EPHA7: variants seen among roughly 807,000 people sequenced by gnomAD.
EPHA7 encodes the protein EPH receptor A7, also known as ephrin type-A receptor 7.
A neutral mutation model predicts 112.6 loss-of-function variants in EPHA7; 25 were observed. The observed-to-expected ratio is 0.22, with a 90% CI of 0.16 to 0.31. The LOEUF (loss-of-function observed/expected upper bound fraction) is 0.31, where lower values mean the gene tolerates loss of function less well. Ranked by LOEUF, EPHA7 falls within the 10% of genes least tolerant of loss-of-function variation. EPHA7 has a pLI of 1.00. For synonymous variants in EPHA7, 437 were observed against 406.5 expected (o/e 1.07, Z -0.90); for missense variants, 962 against 1,212.6 (o/e 0.79, Z 3.07).
At chr6:93,397,239 T>C (rs1778223378) in intron 3 of EPHA7, among the ~76,000 whole-genome samples, 1 of 151,826 alleles carries the variant, frequency 6.6e-6, no homozygotes, top group East Asian at 1.9e-4. Flanking sequence ...TGATGCTCAA[T>C]TTTTATTCTC....
In EPHA7 at chr6:93,272,303, C is replaced by G. The variant is rs867625037; in HGVS notation, c.1444G>C (p.Glu482Gln). The change falls in exon 6 of 17, where the codon GAG (glutamate) becomes CAG (glutamine). Residue 482 changes from glutamate to glutamine, a missense_variant. By Grantham distance (29) the Glu-to-Gln change is conservative. Around this residue, in one of 3 missense-constraint regions of EPHA7, gnomAD observed 746 missense variants for 889.2 expected, o/e 0.84. Transcript: ENST00000369303. ...CAGTTGCTCTTAGCACTTACTTTCTCGTAATACTTGATTTCATATTCTGTG... is the reference window on the plus strand; with the variant it reads ...CAGTTGCTCTTAGCACTTACTTTCTGGTAATACTTGATTTCATATTCTGTG... Reference protein sequence around the residue: ...VITEYEIKYYEKDQRERTYST... With the variant: ...VITEYEIKYYQKDQRERTYST... 1 of 1,611,566 alleles carries G rather than the reference C, an allele frequency of 6.2e-7. No homozygotes were observed. The highest frequency in any genetic ancestry group is 2.2e-5 in the East Asian group (1 of 44,794).
chr6:93,411,224 T>A, intron 2 of EPHA7, 54 bp from the exon 3 acceptor site: 1 of 1,470,424 alleles, frequency 6.8e-7, no homozygotes, highest in South Asian at 1.2e-5. Context: ...AACATTTTGC[T>A]TTTGAAAGTG....
intron 5 of EPHA7, among the ~76,000 whole-genome samples, chr6:93,279,622 T>C (rs1771635819): frequency 6.6e-6 from 1 of 152,168 alleles, no homozygotes; most frequent in Non-Finnish European, 1.5e-5. Flanking sequence ...TATTTGGTTA[T>C]TATTATTTAA....
chr6:93,418,927 G>T (rs749771160), intron 1 of EPHA7, among the ~76,000 whole-genome samples: 1 of 152,198 alleles, frequency 6.6e-6, no homozygotes, highest in Non-Finnish European at 1.5e-5. Flanking sequence ...GAGGTACTAA[G>T]AAATAAGCTC....
intron 5 of EPHA7, among the ~76,000 whole-genome samples, chr6:93,293,967 G>A (rs1468090410): frequency 6.6e-6 from 1 of 152,128 alleles, no homozygotes; most frequent in East Asian, 1.9e-4. Context: ...TCCCAGGTGG[G>A]CTACTCATTT....
At chr6:93,406,454 A>T (rs1369552358) in intron 3 of EPHA7, among the ~76,000 whole-genome samples, 2 of 151,942 alleles carry the variant, frequency 1.3e-5, no homozygotes, top group Non-Finnish European at 2.9e-5. Context: ...TTAGTTTTTT[A>T]GTAACTAAAA....
rs191716238 is a variant in EPHA7 at position 93,275,997 on chromosome 6, T to C, written c.1325-3575A>G. Among the ~76,000 whole-genome samples the C allele has an allele frequency of 7.3e-4, 111 of 152,096 alleles. 2 individuals carry two copies. Among genetic ancestry groups the C allele is most frequent in the African/African-American group, 2.6e-3 (106 of 41,530 alleles). On this transcript the variant is annotated intron_variant, in intron 5 of 16. Transcript: ENST00000369303. ...TGCCAACAGGTTAAGCTTAACTATT[T>C]GTAAAGGAAAATTTCTTAGCATGAA...
At chr6:93,381,300 A>AATT (rs772721068) in intron 3 of EPHA7, among the ~76,000 whole-genome samples, 4 of 152,210 alleles carry the variant, frequency 2.6e-5, no homozygotes, top group Admixed American at 2.0e-4. Flanking sequence ...TTACTGTATA[A>AATT]TTAAGTGATA....
chr6:93,310,969 AT>A (rs569060852), intron 5 of EPHA7, among the ~76,000 whole-genome samples: 172 of 150,050 alleles, frequency 1.1e-3, no homozygotes, highest in Non-Finnish European at 1.7e-3. Flanking sequence ...GTGATGCTGT[AT>A]TTTTTTTTGT....
intron 3 of EPHA7, among the ~76,000 whole-genome samples, chr6:93,376,209 C>G (rs1485076823): frequency 2.0e-5 from 3 of 152,052 alleles, no homozygotes; most frequent in Admixed American, 1.3e-4. Context: ...GTGGTATGAT[C>G]ACTATTCACT....
In EPHA7 at chr6:93,344,129, T is replaced by C. The variant is rs539188384; in HGVS notation, c.1324+12588A>G. Among the ~76,000 whole-genome samples the C allele has an allele frequency of 4.7e-3, 707 of 151,708 alleles. 3 individuals are homozygous for C. The highest frequency in any genetic ancestry group is 7.5e-3 in the Admixed American group (113 of 15,166). ...TATATGTCTATCTATCTATCTATCA[T>C]CTATCATCTATCTAGCATAACACAG... is the stretch of plus-strand genomic sequence containing the variant. On this transcript the variant is annotated intron_variant, in intron 5 of 16. Transcript: ENST00000369303.
intron 5 of EPHA7, among the ~76,000 whole-genome samples, chr6:93,331,124 A>G (rs1274586218): frequency 6.6e-6 from 1 of 151,506 alleles, no homozygotes; most frequent in East Asian, 1.9e-4. Flanking sequence ...AATTAGCAAC[A>G]TGGAAATGCA....
At chr6:93,254,420 C>T (rs1190920795) in intron 14 of EPHA7, among the ~76,000 whole-genome samples, 1 of 151,814 alleles carries the variant, frequency 6.6e-6, no homozygotes, top group Admixed American at 6.6e-5. Context: ...ATTTTGTGTC[C>T]ATAGAATTTA....
intron 3 of EPHA7, chr6:93,409,509 G>A (rs75864812): frequency 6.6e-6 from 1 of 151,936 alleles, no homozygotes; most frequent in East Asian, 1.9e-4. Context: ...AGTTATAATA[G>A]TTATTATTAT....
rs1562176895 is a variant in EPHA7, at chr6:93,419,500, C to G, written c.-159G>C. The G allele has an allele frequency of 5.1e-6, 3 of 593,742 alleles. No individual in the cohort carries two copies. The highest frequency in any genetic ancestry group is 8.7e-6 in the Non-Finnish European group (3 of 343,612). 36.8% of individuals were successfully genotyped at this position (593,742 alleles called of 1,614,324 possible). A position where few individuals can be genotyped will look rare whatever the true frequency, so the allele number is the denominator to read the frequency against. On this transcript the variant is annotated 5_prime_UTR_variant, in exon 1 of 17. Coordinates refer to ENST00000369303, the MANE Select transcript of EPHA7 (RefSeq NM_004440.4). ...CTCCACGTTTAGCTTTTTTTAATTT[C>G]CCCCCCACTCCTGTTCGCTCGCACC...
chr6:93,267,744 A>T (rs1315592060), intron 7 of EPHA7, among the ~76,000 whole-genome samples: 1 of 151,760 alleles, frequency 6.6e-6, no homozygotes, highest in East Asian at 1.9e-4. Context: ...TAAATAATAA[A>T]AATGATATCT....
At position 93,287,636 on chromosome 6, in the gene EPHA7, T is replaced by C. The variant is rs560401187; in HGVS notation, c.1325-15214A>G. Among the ~76,000 whole-genome samples the C allele has an allele frequency of 9.9e-5, 15 of 152,050 alleles. No homozygotes were observed. In the East Asian group the frequency reaches 2.9e-3, roughly 30 times the overall value. ...TGTACAGATTATTTCATCACCAAGA[T>C]ATTAAGCCTAGTACCCATTAGTTAT... is the stretch of plus-strand genomic sequence containing the variant. On this transcript the variant is annotated intron_variant, in intron 5 of 16. Coordinates refer to ENST00000369303, the MANE Select transcript of EPHA7 (RefSeq NM_004440.4).
At position 93,243,459 on chromosome 6, in the gene EPHA7, C is replaced by G. The variant is rs200425225; in HGVS notation, c.2964G>C (p.Met988Ile). ...GAATGCCAGTTCCATGTAAATGTAG[C>G]ATTTGTGCTCTCATAGTCTGAATGC... ...MSSIQTMRAQ[M>I]LHLHGTGIQV Residue 988 changes from methionine to isoleucine, a missense_variant, in exon 17 of 17, where the codon ATG becomes ATC. Physicochemically the swap from Met to Ile is conservative, Grantham distance 10. This residue lies in a region of EPHA7 where 746 missense variants were observed against 889.2 expected (regional missense o/e 0.84). Coordinates refer to ENST00000369303, the MANE Select transcript of EPHA7 (RefSeq NM_004440.4). The G allele has an allele frequency of 6.2e-7, 1 of 1,613,430 alleles. No homozygotes were observed. The highest frequency in any genetic ancestry group is 1.3e-5 in the African/African-American group (1 of 75,036).
At chr6:93,399,104 G>A (rs908409285) in intron 3 of EPHA7, among the ~76,000 whole-genome samples, 2 of 152,062 alleles carry the variant, frequency 1.3e-5, no homozygotes, top group African/African-American at 4.8e-5. Context: ...GTTTCTCAGA[G>A]GAGATCTGGT....
Sources: allele counts gnomAD v4.1 joint callset (sites outside exome capture counted in the v4.1 genomes callset), GRCh38; gene constraint gnomAD v4.1.1; regional missense constraint gnomAD v4.1.1; transcripts MANE v1.5; gene names NCBI Gene and HGNC (gene_info 2026-07-23, HGNC 2026-07-21).